Variants in GLIS3 observed in about 807,000 individuals in gnomAD.
The protein encoded by GLIS3 is GLIS family zinc finger 3, also known as zinc finger protein GLIS3.
Under a neutral mutation model 78.6 loss-of-function variants are expected in GLIS3, and 53 were observed. The observed-to-expected ratio is 0.67, with a 90% CI of 0.54 to 0.85. The LOEUF is 0.85. Ranked by LOEUF, GLIS3 falls within the 40% of genes least tolerant of loss-of-function variation. GLIS3 has a pLI of 0.00. For missense variants in GLIS3, 1,703 were observed against 1,231.1 expected, an observed-to-expected ratio of 1.38 and a Z score of -5.74; for synonymous variants, 684 against 509.9, an observed-to-expected ratio of 1.34 and a Z score of -4.60.
chr9:4,306,995 A>G (rs1817241531), intron 4 of GLIS3, among the ~76,000 whole-genome samples: 1 of 152,228 alleles, frequency 6.6e-6, no homozygotes, highest in East Asian at 1.9e-4. Context: ...TCCTTCCAGC[A>G]AGAAGTGGAC....
chr9:4,253,408 G>T (rs1480962398), intron 2 of GLIS3, among the ~76,000 whole-genome samples: 1 of 152,196 alleles, frequency 6.6e-6, no homozygotes, highest in Non-Finnish European at 1.5e-5. Context: ...TTTACACTAT[G>T]AGGGGAAAAC....
At chr9:4,102,356 A>C (rs560014183) in intron 4 of GLIS3, among the ~76,000 whole-genome samples, 25 of 152,310 alleles carry the variant, frequency 1.6e-4, no homozygotes, top group African/African-American at 5.8e-4. Context: ...TAAGCCAAGT[A>C]TCTGTGTTTC....
chr9:4,358,712 G>C, the GLIS3 span, among the ~76,000 whole-genome samples: 1 of 152,210 alleles, frequency 6.6e-6, no homozygotes, highest in Non-Finnish European at 1.5e-5. Context: ...ATGGGCACAC[G>C]TGTGTATGTG....
chr9:4,306,753 T>C (rs975855412), intron 4 of GLIS3, among the ~76,000 whole-genome samples: 1 of 152,224 alleles, frequency 6.6e-6, no homozygotes, highest in Non-Finnish European at 1.5e-5. Flanking sequence ...GTTTCAGTCA[T>C]CCTTGAACAT....
intron 2 of GLIS3, among the ~76,000 whole-genome samples, chr9:4,274,112 G>A (rs1383472878): frequency 1.3e-5 from 2 of 152,174 alleles, no homozygotes; most frequent in African/African-American, 4.8e-5. Context: ...ACTGAGGCAG[G>A]AGGCCTGGTG....
chr9:3,942,690 C>T (rs1486870436), intron 4 of GLIS3, among the ~76,000 whole-genome samples: 1 of 152,196 alleles, frequency 6.6e-6, no homozygotes. Flanking sequence ...CTAGGAGACT[C>T]GTTAAAACAC....
chr9:4,324,349 A>T (rs1436679696), intron 2 of GLIS3, among the ~76,000 whole-genome samples: 1 of 152,162 alleles, frequency 6.6e-6, no homozygotes, highest in Non-Finnish European at 1.5e-5. Context: ...TTTCAATGTC[A>T]TCTTAGATAA....
At chr9:4,348,488 A>G (rs373746723), upstream of GLIS3, 126 of 152,360 alleles carry the variant, frequency 8.3e-4, no homozygotes, top group African/African-American at 2.7e-3. Flanking sequence ...CTTCAAATTG[A>G]TAATAACTAT....
chr9:4,332,857 T>C (rs1467012591), intron 2 of GLIS3, among the ~76,000 whole-genome samples: 1 of 152,256 alleles, frequency 6.6e-6, no homozygotes, highest in Non-Finnish European at 1.5e-5. Context: ...CTGAACCTTA[T>C]ACATGATAGT....
At chr9:4,346,179 A>G (rs1336715695) in intron 2 of GLIS3, among the ~76,000 whole-genome samples, 2 of 152,354 alleles carry the variant, frequency 1.3e-5, no homozygotes, top group South Asian at 2.1e-4. Context: ...GAAAATATGA[A>G]AACTAGAGGT....
At chr9:4,103,459 T>A (rs10739032) in intron 4 of GLIS3, among the ~76,000 whole-genome samples, 106,201 of 151,982 alleles carry the variant, frequency 0.7, 39,412 homozygotes, top group East Asian at 0.96. Context: ...ACCACCAAAT[T>A]CACTGAGAGA....
intron 6 of GLIS3, among the ~76,000 whole-genome samples, chr9:3,925,606 CGTGT>C (rs200777823): frequency 2.6e-5 from 4 of 151,254 alleles, no homozygotes; most frequent in Admixed American, 1.3e-4. Context: ...CGTGTGCGCG[CGTGT>C]GTGTGTGTGT....
the GLIS3 span, among the ~76,000 whole-genome samples, chr9:4,436,310 A>T: frequency 5.3e-5 from 8 of 152,380 alleles, no homozygotes; most frequent in East Asian, 1.5e-3. Flanking sequence ...TTTGTAATAT[A>T]TTAAAAGGTG....
At chr9:4,305,247 T>G (rs1320211806) in intron 4 of GLIS3, 1 of 152,240 alleles carries the variant, frequency 6.6e-6, no homozygotes, top group African/African-American at 2.4e-5. Flanking sequence ...TATTTGTTTA[T>G]TCACTCAGGC....
At chr9:4,405,560 G>A in the GLIS3 span, among the ~76,000 whole-genome samples, 2 of 151,960 alleles carry the variant, frequency 1.3e-5, no homozygotes, top group African/African-American at 2.4e-5. Flanking sequence ...CCAATAACAA[G>A]TAACAATATT....
intron 8 of GLIS3, among the ~76,000 whole-genome samples, chr9:3,866,584 A>T (rs2130347589): frequency 6.6e-6 from 1 of 152,302 alleles, no homozygotes; most frequent in Non-Finnish European, 1.5e-5. Context: ...TTCTGATGAG[A>T]GTGGCTTTCA....
chr9:4,295,455 G>C (rs887246533), intron 1 of GLIS3, among the ~76,000 whole-genome samples: 1 of 152,150 alleles, frequency 6.6e-6, no homozygotes, highest in Non-Finnish European at 1.5e-5. Flanking sequence ...CATCTTTAAA[G>C]GGGGAGTCCA....
chr9:4,330,942 G>A (rs1296251729), intron 2 of GLIS3, among the ~76,000 whole-genome samples: 1 of 152,172 alleles, frequency 6.6e-6, no homozygotes, highest in African/African-American at 2.4e-5. Flanking sequence ...CATTAGCTGT[G>A]CTTCACTTTG....
the GLIS3 span, among the ~76,000 whole-genome samples, chr9:4,399,134 T>C: frequency 6.6e-6 from 1 of 152,220 alleles, no homozygotes; most frequent in Admixed American, 6.5e-5. Flanking sequence ...CTAATATGTA[T>C]TTTCAAATAG....
Sources: gnomAD v4.1 joint callset for allele counts (sites outside exome capture counted in the v4.1 genomes callset) on GRCh38, gnomAD v4.1.1 for gene constraint, MANE v1.5 for transcripts, NCBI Gene and HGNC (gene_info 2026-07-23, HGNC 2026-07-21) for gene names.